The following IAH1 variants were observed in gnomAD, a reference collection of about 807,000 sequenced individuals.
IAH1 encodes isoamyl acetate-hydrolyzing esterase 1 homolog.
In IAH1, 24 loss-of-function variants were observed where a neutral mutation model predicts 26.7. That is an observed-to-expected ratio of 0.90 (90% CI 0.65 to 1.26). The LOEUF (loss-of-function observed/expected upper bound fraction) is 1.26. Ranked by LOEUF, IAH1 falls within the 50% of genes most tolerant of loss-of-function variation. IAH1 has a pLI of 0.00. For synonymous variants in IAH1, 140 were observed against 118.5 expected (o/e 1.18, Z -1.18); for missense variants, 300 against 299.9 (o/e 1.00, Z 0.00).
downstream of IAH1, among the ~76,000 whole-genome samples, chr2:9,491,663 C>G (rs1369923376): frequency 6.6e-6 from 1 of 152,190 alleles, no homozygotes; most frequent in Non-Finnish European, 1.5e-5. Context: ...TCCCTACATC[C>G]TACTTCTGCA....
At chr2:9,475,186 C>T (rs1348037859) in intron 1 of IAH1, 1 of 1,288,962 alleles carries the variant, frequency 7.8e-7, no homozygotes, top group African/African-American at 1.5e-5. Flanking sequence ...ATCATCTCAC[C>T]TCCCATGAAG....
chr2:9,505,030 G>A, the IAH1 span: 1,378 of 978,562 alleles, frequency 1.4e-3, 14 homozygotes, highest in East Asian at 0.019. Flanking sequence ...GCTGTGAAGG[G>A]CAAAAGAGGT....
Position 9,476,294 on chromosome 2 carries a change from A to T in IAH1, c.134+255A>T, listed in dbSNP as rs957006491. Among the ~76,000 whole-genome samples, 43 of 152,378 alleles carry T rather than the reference A, an allele frequency of 2.8e-4. 1 individual carries two copies. The highest frequency in any genetic ancestry group is 1.0e-3 in the African/African-American group (43 of 41,594). ...AGGAAATGGCCAAGGCCTCTTCCCT[A>T]GTCAGGGGCAGACAGATCCAAGTCC... On this transcript the variant is annotated intron_variant, in intron 2 of 5. Coordinates refer to ENST00000497473, the MANE Select transcript of IAH1 (RefSeq NM_001039613.3).
the IAH1 span, among the ~76,000 whole-genome samples, chr2:9,508,906 TAAAAC>T: frequency 6.7e-6 from 1 of 150,248 alleles, no homozygotes; most frequent in African/African-American, 2.5e-5. Context: ...AGAGGAAAAA[TAAAAC>T]ATAACATGCA....
downstream of IAH1, chr2:9,492,768 CAA>C (rs554850540): frequency 8.7e-4 from 592 of 678,080 alleles, 2 homozygotes; most frequent in African/African-American, 0.01. Flanking sequence ...GGAATAACAA[CAA>C]AAAAAGCTAT....
chr2:9,484,526 G>A lies in IAH1; in HGVS notation c.540G>A (p.Leu180=). The A allele has an allele frequency of 1.9e-6, 3 of 1,613,952 alleles. No individual in the cohort carries two copies. Among genetic ancestry groups the A allele is most frequent in the Non-Finnish European group, 2.5e-6 (3 of 1,179,830 alleles). ...AQDCGTDVLD[L]WTLMQDSQDF... ...ACTGTGGGACTGACGTACTTGACCT[G>A]TGGACCCTGATGCAGGACAGCCAGG... is the stretch of plus-strand genomic sequence containing the variant. Residue 180 remains leucine, a synonymous_variant, in exon 5 of 6, where the codon CTG becomes CTA. Coordinates refer to ENST00000497473, the MANE Select transcript of IAH1 (RefSeq NM_001039613.3).
Position 9,488,843 on chromosome 2 carries a change from G to GTTAACTGCCCTCAAAATTT in IAH1, c.*515_*533dup, listed in dbSNP as rs1379549582. On this transcript the variant is annotated 3_prime_UTR_variant, in exon 6 of 6. Coordinates refer to ENST00000497473, the MANE Select transcript of IAH1 (RefSeq NM_001039613.3). ...GGAGATATGATTAGTCACAGGTTTG[G>GTTAACTGCCCTCAAAATTT]TTAACTGCCCTCAAAATTTACAAGT... is the stretch of plus-strand genomic sequence containing the variant. The GTTAACTGCCCTCAAAATTT allele has an allele frequency of 2.0e-5, 3 of 152,212 alleles. No individual in the cohort carries two copies. Among genetic ancestry groups the GTTAACTGCCCTCAAAATTT allele is most frequent in the Non-Finnish European group, 2.9e-5 (2 of 68,036 alleles). 9.4% of individuals were successfully genotyped at this position (152,212 alleles called of 1,614,324 possible).
downstream of IAH1, chr2:9,491,053 G>A (rs1238095436): frequency 6.5e-7 from 1 of 1,542,560 alleles, no homozygotes; most frequent in Non-Finnish European, 8.9e-7. Context: ...TGCCTAACAG[G>A]GCCTCAGACC....
At chr2:9,510,576 A>T in the IAH1 span, among the ~76,000 whole-genome samples, 2 of 151,972 alleles carry the variant, frequency 1.3e-5, no homozygotes. Context: ...AGGCAGGAGA[A>T]CTGCTTGAAC....
chr2:9,497,331 A>G (rs1420658726), downstream of IAH1: 1 of 1,554,706 alleles, frequency 6.4e-7, no homozygotes, highest in African/African-American at 1.4e-5. Context: ...TGTTTCTCAT[A>G]CAAGTGAGCA....
Position 9,475,002 on chromosome 2 carries a change from G to GCCGCGGGCGA in IAH1, c.81+361_81+370dup. 4 of 1,102,774 alleles carry GCCGCGGGCGA rather than the reference G, an allele frequency of 3.6e-6. No homozygotes were observed. The South Asian group carries it at 8.8e-5, about 24-fold the overall frequency. The allele number at this position is 1,102,774 out of a possible 1,614,324, so 68.3% of individuals were successfully genotyped here. On this transcript the variant is annotated intron_variant, in intron 1 of 5. Transcript: ENST00000497473. The stretch of plus-strand genomic sequence containing the variant: ...TTTCCCCTCCGGGTCCGGGTTAGCG[G>GCCGCGGGCGA]CCGCGGGCGACCGCGCGCTGTGTCC...
downstream of IAH1, chr2:9,493,886 T>C: frequency 7.0e-7 from 1 of 1,421,280 alleles, no homozygotes; most frequent in East Asian, 2.3e-5. Flanking sequence ...AGAAGCAATG[T>C]AGCTTTATAA....
intron 3 of IAH1, 56 bp downstream of exon 3, chr2:9,478,426 C>T: frequency 6.8e-6 from 10 of 1,464,580 alleles, no homozygotes; most frequent in Non-Finnish European, 9.2e-6. Context: ...TATGTTACAG[C>T]AAACTTGCAT....
chr2:9,475,995 C>T lies in IAH1; in HGVS notation c.90C>T (p.Phe30=), dbSNP rs746755446. The change falls in exon 2 of 6, where the codon TTC becomes TTT. Residue 30 remains phenylalanine (F), a synonymous_variant. Coordinates refer to ENST00000497473, the MANE Select transcript of IAH1 (RefSeq NM_001039613.3). ...GGCTTTTCTTCCTCCAGTTTTCCTT[C>T]CAGCAGGGTGGATGGGGAGCATCGC... The part of the protein sequence containing the change: ...LFGDSITQFS[F]QQGGWGASLA... 6.2e-7 allele frequency: 1 copy of T among 1,613,682 alleles called. No homozygotes were observed.
downstream of IAH1, chr2:9,490,970 C>A: frequency 1.3e-6 from 1 of 781,886 alleles, no homozygotes; most frequent in Admixed American, 2.6e-5. Flanking sequence ...AACATTCCAA[C>A]CTAGACCCTT....
chr2:9,481,426 G>A lies in IAH1; in HGVS notation c.424G>A (p.Glu142Lys). The A allele has an allele frequency of 1.2e-6, 2 of 1,614,162 alleles. No individual in the cohort carries two copies. The highest frequency in any genetic ancestry group is 1.7e-6 in the Non-Finnish European group (2 of 1,180,024). ...GACCCCACTTTGTGAAACAGCCTGG[G>A]AAGAACAGTGCATCATACAAGGTAA... is the stretch of plus-strand genomic sequence containing the variant. The part of the protein sequence containing the change: ...TPTPLCETAW[E>K]EQCIIQGCKL... Residue 142 changes from glutamate (E) to lysine (K), a missense_variant, in exon 4 of 6, where the codon GAA becomes AAA. Coordinates refer to ENST00000497473, the MANE Select transcript of IAH1 (RefSeq NM_001039613.3).
the IAH1 span, chr2:9,509,836 A>C: frequency 9.3e-7 from 1 of 1,080,106 alleles, no homozygotes; most frequent in East Asian, 2.4e-5. Flanking sequence ...CAAAACACAC[A>C]ACCACGTTTC....
chr2:9,476,907 C>T (rs1660834969), intron 2 of IAH1, among the ~76,000 whole-genome samples: 1 of 152,126 alleles, frequency 6.6e-6, no homozygotes, highest in Non-Finnish European at 1.5e-5. Flanking sequence ...GGCTCAGAGG[C>T]CTGACAACTC....
chr2:9,484,638 C>T, intron 5 of IAH1, 88 bp downstream of exon 5: 1 of 837,770 alleles, frequency 1.2e-6, no homozygotes, highest in East Asian at 2.6e-5. Context: ...CCTAGAAAGG[C>T]CCTGCTTAGC....
Sources: allele counts gnomAD v4.1 joint callset (sites outside exome capture counted in the v4.1 genomes callset), GRCh38; gene constraint gnomAD v4.1.1; transcripts MANE v1.5; gene names NCBI Gene and HGNC (gene_info 2026-07-23, HGNC 2026-07-21).